The following LOC400499 variants were observed in gnomAD, a reference collection of about 807,000 sequenced individuals.
At chr16:11,374,650 G>A in the LOC400499 span, among the ~76,000 whole-genome samples, 1 of 152,142 alleles carries the variant, frequency 6.6e-6, no homozygotes, top group African/African-American at 2.4e-5. Context: ...GTGGTAGCGT[G>A]TGTCAGAATT....
At chr16:11,397,032 CACA>C in the LOC400499 span, among the ~76,000 whole-genome samples, 2 of 152,300 alleles carry the variant, frequency 1.3e-5, no homozygotes, top group Non-Finnish European at 2.9e-5. Flanking sequence ...TTCATTCCTG[CACA>C]ACGTTTACTA....
the LOC400499 span, chr16:11,516,190 G>A: frequency 3.3e-5 from 13 of 399,866 alleles, no homozygotes; most frequent in African/African-American, 2.1e-4. Context: ...CCTGCAGGAG[G>A]CTCAGCACAG....
At chr16:11,461,328 T>C in the LOC400499 span, among the ~76,000 whole-genome samples, 3 of 152,136 alleles carry the variant, frequency 2.0e-5, no homozygotes, top group Admixed American at 6.5e-5. Flanking sequence ...CAATCGATCT[T>C]CCCACCTTAG....
chr16:11,518,337 C>T, the LOC400499 span, among the ~76,000 whole-genome samples: 3 of 152,116 alleles, frequency 2.0e-5, no homozygotes, highest in Non-Finnish European at 4.4e-5. Flanking sequence ...AGCTTTGAGG[C>T]CACCGAGGCC....
the LOC400499 span, among the ~76,000 whole-genome samples, chr16:11,459,682 C>A: frequency 6.6e-6 from 1 of 152,204 alleles, no homozygotes; most frequent in African/African-American, 2.4e-5. Context: ...TTTCCCAAGC[C>A]CTCCTGCCAG....
chr16:11,480,881 A>T, the LOC400499 span, among the ~76,000 whole-genome samples: 1 of 152,220 alleles, frequency 6.6e-6, no homozygotes, highest in Non-Finnish European at 1.5e-5. Context: ...ACCAATTTTA[A>T]ACCAAAGTCA....
At chr16:11,469,068 G>T in the LOC400499 span, 1 of 398,300 alleles carries the variant, frequency 2.5e-6, no homozygotes, top group South Asian at 1.3e-4. Flanking sequence ...AGAAAGGGAA[G>T]ATCCCAGAGG....
At chr16:11,516,281 C>T in the LOC400499 span, 9 of 399,468 alleles carry the variant, frequency 2.3e-5, no homozygotes, top group African/African-American at 6.2e-5. Context: ...CAGGATGAAG[C>T]GGAGTGGGTT....
chr16:11,376,588 C>A, the LOC400499 span, among the ~76,000 whole-genome samples: 1 of 152,186 alleles, frequency 6.6e-6, no homozygotes, highest in Non-Finnish European at 1.5e-5. Flanking sequence ...CTTTTGACCA[C>A]TGTAGCTTTC....
chr16:11,518,795 C>A, the LOC400499 span: 2 of 398,362 alleles, frequency 5.0e-6, no homozygotes. Context: ...TTGTCCTAAT[C>A]TAATTCAGTG....
chr16:11,393,462 C>G, the LOC400499 span: 2 of 1,232,350 alleles, frequency 1.6e-6, no homozygotes, highest in Non-Finnish European at 2.0e-6. Context: ...TTTCTCCTCT[C>G]TGTTGTCCAC....
At chr16:11,433,658 G>C in the LOC400499 span, among the ~76,000 whole-genome samples, 154 of 152,286 alleles carry the variant, frequency 1.0e-3, 1 homozygote, top group Middle Eastern at 6.8e-3. Context: ...ATTAGAGGTT[G>C]GAACTTTCAG....
At chr16:11,411,119 C>T in the LOC400499 span, 37 of 397,268 alleles carry the variant, frequency 9.3e-5, no homozygotes, top group Non-Finnish European at 6.2e-5. Context: ...GGTTGCCCAC[C>T]GGAGCCTGCT....
chr16:11,449,691 T>G, the LOC400499 span, among the ~76,000 whole-genome samples: 8 of 152,234 alleles, frequency 5.3e-5, no homozygotes, highest in South Asian at 1.2e-3. Flanking sequence ...TACCAGAACT[T>G]CGTAACACTT....
At chr16:11,425,439 G>A in the LOC400499 span, 1 of 399,206 alleles carries the variant, frequency 2.5e-6, no homozygotes, top group South Asian at 1.3e-4. Flanking sequence ...GGTGCCTGCA[G>A]AGAATGGTGG....
At chr16:11,378,981 G>C in the LOC400499 span, among the ~76,000 whole-genome samples, 368 of 152,268 alleles carry the variant, frequency 2.4e-3, 3 homozygotes, top group Admixed American at 6.1e-3. Context: ...GTGAGGTATT[G>C]GGCCGGGTGC....
chr16:11,457,095 G>A, the LOC400499 span: 2 of 1,453,238 alleles, frequency 1.4e-6, no homozygotes, highest in Non-Finnish European at 1.8e-6. Context: ...CCCTGGCGTA[G>A]AATGTGCCCG....
At chr16:11,424,249 C>G in the LOC400499 span, 1 of 399,056 alleles carries the variant, frequency 2.5e-6, no homozygotes, top group Non-Finnish European at 4.4e-6. Flanking sequence ...ATGGCACCGT[C>G]TAGCTGAGCC....
At chr16:11,459,876 G>C in the LOC400499 span, 5 of 1,349,188 alleles carry the variant, frequency 3.7e-6, no homozygotes, top group Non-Finnish European at 4.8e-6. Flanking sequence ...GCACGGCTCT[G>C]CCGCAGTGGC....
Sources: allele counts gnomAD v4.1 joint callset (sites outside exome capture counted in the v4.1 genomes callset), GRCh38; gene constraint gnomAD v4.1.1; transcripts MANE v1.5.